ARHGAP24: variants seen among roughly 807,000 people sequenced by gnomAD.
ARHGAP24 encodes the protein rho GTPase-activating protein 24.
ARHGAP24 carries 50 observed loss-of-function variants against 76.4 expected under a neutral mutation model. The observed-to-expected ratio is 0.65, with a 90% confidence interval of 0.52 to 0.83. The LOEUF is 0.83. Among genes scored for constraint, ARHGAP24 ranks in the 40% least tolerant of loss-of-function variants. The pLI is 0.00. For synonymous variants in ARHGAP24, 345 were observed against 323.3 expected (o/e 1.07, Z -0.72); for missense variants, 930 against 914.2 (o/e 1.02, Z -0.22).
chr4:85,750,437 C>G (rs1726212764), intron 3 of ARHGAP24, among the ~76,000 whole-genome samples: 1 of 147,798 alleles, frequency 6.8e-6, no homozygotes, highest in South Asian at 2.2e-4. Context: ...GTGGCTCCAT[C>G]TCACCCTTTT....
At chr4:85,550,840 G>C (rs940007034) in intron 1 of ARHGAP24, among the ~76,000 whole-genome samples, 1 of 152,068 alleles carries the variant, frequency 6.6e-6, no homozygotes, top group South Asian at 2.1e-4. Flanking sequence ...TCTTGATCTG[G>C]CTCTCAGCTT....
chr4:85,665,032 C>G (rs192892912), intron 2 of ARHGAP24, among the ~76,000 whole-genome samples: 15 of 152,062 alleles, frequency 9.9e-5, no homozygotes, highest in Admixed American at 9.2e-4. Flanking sequence ...TATTAGGTCC[C>G]CTTGGTGCAG....
Position 85,887,124 on chromosome 4 carries a change from G to A in ARHGAP24, c.269-36524G>A, listed in dbSNP as rs577853202. Among the ~76,000 whole-genome samples, 3 of 152,190 alleles carry A rather than the reference G, an allele frequency of 2.0e-5. No individual in the cohort carries two copies. In the South Asian group the frequency reaches 6.2e-4, roughly 32 times the overall value. On this transcript the variant is annotated intron_variant, in intron 3 of 9. Transcript: ENST00000395184. ...AAATATTTGTATCATCTATATGTATGAAAAGGACTAGAAGAAGACAAAAGA... is the reference window on the plus strand; with the variant it reads ...AAATATTTGTATCATCTATATGTATAAAAAGGACTAGAAGAAGACAAAAGA...
intron 3 of ARHGAP24, among the ~76,000 whole-genome samples, chr4:85,889,661 G>C (rs1168958816): frequency 6.6e-6 from 1 of 152,152 alleles, no homozygotes; most frequent in African/African-American, 2.4e-5. Context: ...AAAATGGATG[G>C]AATGCCAGGG....
intron 3 of ARHGAP24, among the ~76,000 whole-genome samples, chr4:85,897,421 G>T (rs1014957347): frequency 6.6e-5 from 10 of 152,094 alleles, no homozygotes; most frequent in African/African-American, 2.4e-4. Flanking sequence ...AAGATTATCT[G>T]GTTCAGTCAC....
At chr4:85,490,094 C>T (rs888424799) in intron 1 of ARHGAP24, among the ~76,000 whole-genome samples, 2 of 151,974 alleles carry the variant, frequency 1.3e-5, no homozygotes, top group African/African-American at 4.8e-5. Flanking sequence ...GTCATATTAC[C>T]ATGGGCCTGG....
chr4:85,589,051 T>C (rs537517543), intron 2 of ARHGAP24, among the ~76,000 whole-genome samples: 12 of 152,348 alleles, frequency 7.9e-5, no homozygotes, highest in African/African-American at 2.6e-4. Flanking sequence ...GCATTGGGCC[T>C]CAGAGATGTG....
chr4:85,858,307 A>C (rs1442168404), intron 3 of ARHGAP24, among the ~76,000 whole-genome samples: 1 of 152,184 alleles, frequency 6.6e-6, no homozygotes, highest in Admixed American at 6.6e-5. Context: ...ATGCTAATGA[A>C]GATGCAGTGT....
intron 3 of ARHGAP24, among the ~76,000 whole-genome samples, chr4:85,919,253 AT>A (rs941196253): frequency 1.6e-4 from 25 of 152,220 alleles, no homozygotes; most frequent in Non-Finnish European, 2.4e-4. Context: ...GAAAGTCAAA[AT>A]TCTGAGTTTA....
intron 2 of ARHGAP24, among the ~76,000 whole-genome samples, chr4:85,646,996 A>G (rs58145259): frequency 0.094 from 14,238 of 152,172 alleles, 954 homozygotes; most frequent in East Asian, 0.28. Flanking sequence ...TGGTAAGTCA[A>G]GCAACTAAGT....
At chr4:85,600,475 G>T (rs193191219) in intron 2 of ARHGAP24, among the ~76,000 whole-genome samples, 15 of 152,132 alleles carry the variant, frequency 9.9e-5, no homozygotes, top group African/African-American at 3.6e-4. Context: ...TGTTCTCCAC[G>T]TGAGAAGAGG....
intron 3 of ARHGAP24, among the ~76,000 whole-genome samples, chr4:85,756,114 A>T (rs1204980711): frequency 6.6e-6 from 1 of 152,190 alleles, no homozygotes; most frequent in Non-Finnish European, 1.5e-5. Context: ...CAATGTATGT[A>T]TTGATGTATC....
At chr4:85,669,644 AAT>A (rs58332235) in intron 2 of ARHGAP24, among the ~76,000 whole-genome samples, 4,719 of 90,496 alleles carry the variant, frequency 0.052, 107 homozygotes, top group Non-Finnish European at 0.072. Flanking sequence ...TGTACTTTCA[AAT>A]ATATATATAT....
rs1356756100 is a variant in ARHGAP24 at position 85,998,452 on chromosome 4, C to T, written c.2004-2027C>T. Among the ~76,000 whole-genome samples, 3 of 152,026 alleles carry T rather than the reference C, an allele frequency of 2.0e-5. No homozygotes were observed. In the South Asian group the frequency reaches 6.2e-4, roughly 31 times the overall value. On this transcript the variant is annotated intron_variant, in intron 9 of 9. Transcript: ENST00000395184. ...TCTTTTCCTTTATTTAACTTTCAAACTTTGTTTGATGATTTGATCTAACAA... is the reference window on the plus strand; with the variant it reads ...TCTTTTCCTTTATTTAACTTTCAAATTTTGTTTGATGATTTGATCTAACAA...
chr4:85,496,209 G>T (rs977755090), intron 1 of ARHGAP24, among the ~76,000 whole-genome samples: 5 of 152,184 alleles, frequency 3.3e-5, no homozygotes, highest in Admixed American at 1.3e-4. Flanking sequence ...AGATACCACC[G>T]GTGTTTATTT....
chr4:85,883,332 T>C (rs1427410921), intron 3 of ARHGAP24, among the ~76,000 whole-genome samples: 2 of 152,194 alleles, frequency 1.3e-5, no homozygotes. Flanking sequence ...GCTAAATATT[T>C]GAATCAACTG....
chr4:85,938,094 T>C (rs80064291), intron 4 of ARHGAP24, among the ~76,000 whole-genome samples: 1,903 of 152,296 alleles, frequency 0.012, 40 homozygotes, highest in African/African-American at 0.043. Flanking sequence ...GTGGTTTCTC[T>C]CTTGTGTGCG....
chr4:85,734,805 T>C (rs2110055418), intron 3 of ARHGAP24, among the ~76,000 whole-genome samples: 1 of 152,148 alleles, frequency 6.6e-6, no homozygotes, highest in African/African-American at 2.4e-5. Context: ...AATGGGTTCT[T>C]TGATTGAAAG....
intron 2 of ARHGAP24, among the ~76,000 whole-genome samples, chr4:85,669,805 T>C (rs1280547869): frequency 6.6e-6 from 1 of 151,194 alleles, no homozygotes; most frequent in East Asian, 1.9e-4. Context: ...GGAAAATAAT[T>C]TAGTGAATAA....
Sources: gnomAD v4.1 joint callset for allele counts (sites outside exome capture counted in the v4.1 genomes callset) on GRCh38, gnomAD v4.1.1 for gene constraint, MANE v1.5 for transcripts, NCBI Gene and HGNC (gene_info 2026-07-23, HGNC 2026-07-21) for gene names.